The following DLGAP1 variants were observed in gnomAD, a reference collection of about 807,000 sequenced individuals.
DLGAP1 encodes DLG associated protein 1.
Under a neutral mutation model 90.8 loss-of-function variants are expected in DLGAP1, and 11 were observed. The observed-to-expected ratio is 0.12, with a 90% CI of 0.08 to 0.20. DLGAP1 has a LOEUF of 0.20. Ranked by LOEUF, DLGAP1 falls within the 10% of genes least tolerant of loss-of-function variation. The probability of loss-of-function intolerance (pLI) is 1.00; values close to 1 mark genes in which losing one functional copy is unlikely to be tolerated. For synonymous variants in DLGAP1, 558 were observed against 540.7 expected (o/e 1.03, Z -0.44); for missense variants, 1,050 against 1,333.8 (o/e 0.79, Z 3.31).
intron 1 of DLGAP1, among the ~76,000 whole-genome samples, chr18:4,205,285 G>A (rs991885908): frequency 2.0e-5 from 3 of 152,100 alleles, no homozygotes; most frequent in Admixed American, 6.6e-5. Flanking sequence ...GAGAACAAGT[G>A]GTCCTTTAGG....
intron 7 of DLGAP1, among the ~76,000 whole-genome samples, chr18:3,610,691 T>A (rs1476019462): frequency 6.7e-6 from 1 of 149,930 alleles, no homozygotes; most frequent in Non-Finnish European, 1.5e-5. Flanking sequence ...AAAAAAAAAA[T>A]AGCCAGATGT....
intron 7 of DLGAP1, among the ~76,000 whole-genome samples, chr18:3,616,247 C>T (rs2057858414): frequency 6.6e-6 from 1 of 152,214 alleles, no homozygotes; most frequent in African/African-American, 2.4e-5. Context: ...CAGGTGTTCA[C>T]AAACTTTTTC....
chr18:4,411,519 C>T (rs1329803857), intron 1 of DLGAP1, among the ~76,000 whole-genome samples: 1 of 152,136 alleles, frequency 6.6e-6, no homozygotes, highest in African/African-American at 2.4e-5. Context: ...CAGAGCGAGT[C>T]AATTTCTATT....
At chr18:3,991,242 T>C (rs1342802489) in intron 3 of DLGAP1, among the ~76,000 whole-genome samples, 1 of 152,208 alleles carries the variant, frequency 6.6e-6, no homozygotes. Flanking sequence ...TGAGATTTTA[T>C]AGTTTTTTAC....
At chr18:3,831,768 G>A (rs1344911659) in intron 4 of DLGAP1, among the ~76,000 whole-genome samples, 1 of 152,130 alleles carries the variant, frequency 6.6e-6, no homozygotes, top group Non-Finnish European at 1.5e-5. Flanking sequence ...TCTCACCACT[G>A]AACTCTTCAT....
At chr18:3,815,478 T>G (rs962414753) in intron 4 of DLGAP1, among the ~76,000 whole-genome samples, 1 of 152,228 alleles carries the variant, frequency 6.6e-6, no homozygotes, top group African/African-American at 2.4e-5. Flanking sequence ...TTCTGATTGC[T>G]TGACTTACCT....
chr18:4,395,925 A>C (rs1280004253), intron 1 of DLGAP1, among the ~76,000 whole-genome samples: 1 of 152,182 alleles, frequency 6.6e-6, no homozygotes, highest in Non-Finnish European at 1.5e-5. Flanking sequence ...CTGACACTAG[A>C]CCATGGGAAA....
intron 3 of DLGAP1, among the ~76,000 whole-genome samples, chr18:3,944,836 C>T (rs968947144): frequency 1.1e-4 from 16 of 152,258 alleles, no homozygotes; most frequent in East Asian, 1.9e-4. Flanking sequence ...AATGGAGAAA[C>T]TCACCAAGCC....
chr18:3,859,833 G>A (rs993058669), intron 4 of DLGAP1, among the ~76,000 whole-genome samples: 3 of 152,114 alleles, frequency 2.0e-5, no homozygotes, highest in Non-Finnish European at 4.4e-5. Flanking sequence ...AGGCACGGTG[G>A]CTCACGCCTG....
At chr18:4,126,480 T>C (rs1410161913) in intron 2 of DLGAP1, among the ~76,000 whole-genome samples, 1 of 152,218 alleles carries the variant, frequency 6.6e-6, no homozygotes, top group Non-Finnish European at 1.5e-5. Flanking sequence ...AACATCTCTA[T>C]ACCTATTTGC....
intron 7 of DLGAP1, among the ~76,000 whole-genome samples, chr18:3,631,148 T>TG (rs2058510627): frequency 7.1e-6 from 1 of 140,126 alleles, no homozygotes; most frequent in Non-Finnish European, 1.5e-5. Flanking sequence ...GCCCAGTTAA[T>TG]TTTTTTTTTT....
intron 8 of DLGAP1, among the ~76,000 whole-genome samples, chr18:3,575,827 A>AAG (rs2055091880): frequency 6.6e-6 from 1 of 152,080 alleles, no homozygotes; most frequent in South Asian, 2.1e-4. Context: ...ACACCAGATA[A>AAG]AGTACTTGAC....
At chr18:3,635,165 C>A (rs1414830714) in intron 7 of DLGAP1, among the ~76,000 whole-genome samples, 21 of 145,974 alleles carry the variant, frequency 1.4e-4, no homozygotes, top group Non-Finnish European at 1.6e-4. Context: ...GAGTCTCGCT[C>A]TTTCACCCAG....
At chr18:4,099,286 ATCTG>A (rs1289153698) in intron 2 of DLGAP1, among the ~76,000 whole-genome samples, 2 of 145,766 alleles carry the variant, frequency 1.4e-5, no homozygotes, top group African/African-American at 5.1e-5. Context: ...CTATCTATCT[ATCTG>A]TCTATCATCT....
intron 5 of DLGAP1, among the ~76,000 whole-genome samples, chr18:3,751,899 A>G (rs1250573749): frequency 1.1e-5 from 1 of 92,940 alleles, no homozygotes. Flanking sequence ...TTTTTTTTTT[A>G]ATGAGATGCA....
chr18:4,057,690 C>T (rs942156117), intron 2 of DLGAP1, among the ~76,000 whole-genome samples: 69 of 152,180 alleles, frequency 4.5e-4, no homozygotes, highest in African/African-American at 1.6e-3. Flanking sequence ...TCTCTCTCTG[C>T]TTTATGCTCC....
At chr18:4,327,180 G>A (rs964618120) in intron 1 of DLGAP1, among the ~76,000 whole-genome samples, 1 of 152,134 alleles carries the variant, frequency 6.6e-6, no homozygotes, top group South Asian at 2.1e-4. Flanking sequence ...ATAATGTATT[G>A]TGTATTTCCC....
intron 3 of DLGAP1, among the ~76,000 whole-genome samples, chr18:3,900,592 C>T (rs2071759733): frequency 6.6e-6 from 1 of 152,156 alleles, no homozygotes; most frequent in Non-Finnish European, 1.5e-5. Context: ...GGAAGAAAGC[C>T]TATCAGCTTG....
At position 4,084,075 on chromosome 18, in the gene DLGAP1, A is replaced by G. The variant is rs533734542; in HGVS notation, c.-159+67105T>C. On this transcript the variant is annotated intron_variant, in intron 2 of 12. Coordinates refer to ENST00000315677, the MANE Select transcript of DLGAP1 (RefSeq NM_004746.4). This position sits in a 1 kb window ranked among gnomAD's most constrained non-coding sequence, Gnocchi z 4.0. Reference sequence around the variant, plus strand: ...CCAGAAGCGGGATGGAGTGGGAACAATCTCCCAAAACCCTTAAAAATCCTA... The same window carrying G: ...CCAGAAGCGGGATGGAGTGGGAACAGTCTCCCAAAACCCTTAAAAATCCTA... 6.6e-6 allele frequency among the ~76,000 whole-genome samples: 1 copy of G among 152,138 alleles called. No homozygotes were observed. The highest frequency in any genetic ancestry group is 2.1e-4 in the South Asian group (1 of 4,810).
Sources: allele counts gnomAD v4.1 joint callset (sites outside exome capture counted in the v4.1 genomes callset), GRCh38; gene constraint gnomAD v4.1.1; non-coding constraint Gnocchi (gnomAD v3.1); transcripts MANE v1.5; gene names NCBI Gene and HGNC (gene_info 2026-07-23, HGNC 2026-07-21).